Variants in ZNF804B observed in about 807,000 individuals in gnomAD.
ZNF804B encodes zinc finger protein 804B.
Under a neutral mutation model 101.4 loss-of-function variants are expected in ZNF804B, and 80 were observed. That is an observed-to-expected ratio of 0.79 (90% CI 0.66 to 0.95). The LOEUF is 0.95. Ranked by LOEUF, ZNF804B falls within the 40% of genes least tolerant of loss-of-function variation. The probability of loss-of-function intolerance (pLI) is 0.00; values close to 1 mark genes in which losing one functional copy is unlikely to be tolerated. For synonymous variants in ZNF804B, 622 were observed against 558.8 expected (o/e 1.11, Z -1.59); for missense variants, 1,673 against 1,561.9 (o/e 1.07, Z -1.20).
At chr7:89,155,390 T>C (rs1230459431) in intron 1 of ZNF804B, among the ~76,000 whole-genome samples, 1 of 152,146 alleles carries the variant, frequency 6.6e-6, no homozygotes, top group African/African-American at 2.4e-5. Flanking sequence ...ATATCTCATC[T>C]TTCACCTAAA....
intron 1 of ZNF804B, among the ~76,000 whole-genome samples, chr7:89,091,208 A>C (rs1450778433): frequency 6.6e-6 from 1 of 152,060 alleles, no homozygotes. Context: ...TCTCAGGATA[A>C]TAATGCCAGC....
chr7:89,037,201 T>G (rs1258646213), intron 1 of ZNF804B, among the ~76,000 whole-genome samples: 2 of 152,136 alleles, frequency 1.3e-5, no homozygotes, highest in Non-Finnish European at 2.9e-5. Flanking sequence ...CAAGTTGACC[T>G]GCCAGAATGA....
At chr7:88,893,639 G>C (rs542926618) in intron 1 of ZNF804B, among the ~76,000 whole-genome samples, 1 of 152,216 alleles carries the variant, frequency 6.6e-6, no homozygotes, top group Admixed American at 6.5e-5. Flanking sequence ...GGCTGCCAAA[G>C]GTAATAGGCA....
chr7:89,247,042 T>C (rs1395274059), intron 2 of ZNF804B, among the ~76,000 whole-genome samples: 1 of 152,148 alleles, frequency 6.6e-6, no homozygotes, highest in African/African-American at 2.4e-5. Context: ...TGCACAGATC[T>C]CCAGACATCT....
intron 1 of ZNF804B, among the ~76,000 whole-genome samples, chr7:88,770,299 A>G (rs1043106122): frequency 6.6e-6 from 1 of 152,178 alleles, no homozygotes; most frequent in African/African-American, 2.4e-5. Flanking sequence ...GTGGGGTCCA[A>G]CTTAATCACA....
chr7:88,933,349 G>GT (rs1792919305), intron 1 of ZNF804B, among the ~76,000 whole-genome samples: 1 of 151,834 alleles, frequency 6.6e-6, no homozygotes, highest in Non-Finnish European at 1.5e-5. Flanking sequence ...ATCAGGAAAA[G>GT]TTGAAAGCAT....
intron 1 of ZNF804B, among the ~76,000 whole-genome samples, chr7:89,171,410 T>C (rs1047543641): frequency 2.0e-5 from 2 of 99,722 alleles, no homozygotes; most frequent in African/African-American, 7.4e-5. Flanking sequence ...CTTCTTCTTC[T>C]TCTTCTTCTC....
In ZNF804B at chr7:89,234,131, T is replaced by C. The variant is rs571155023; in HGVS notation, c.249+15836T>C. ...CTCAATATAATTTTTTGACTTATAATCCAAGATAAGCCTAGCTAATATAAT... is the reference window on the plus strand; with the variant it reads ...CTCAATATAATTTTTTGACTTATAACCCAAGATAAGCCTAGCTAATATAAT... On this transcript the variant is annotated intron_variant, in intron 2 of 3. Transcript: ENST00000333190. Among the ~76,000 whole-genome samples the C allele has an allele frequency of 5.3e-5, 8 of 152,342 alleles. No homozygotes were observed. In the South Asian group the frequency reaches 1.7e-3, roughly 32 times the overall value.
intron 2 of ZNF804B, among the ~76,000 whole-genome samples, chr7:89,267,588 C>A (rs964015145): frequency 2.0e-5 from 3 of 152,106 alleles, no homozygotes; most frequent in African/African-American, 7.2e-5. Context: ...TGTCTTCAGA[C>A]CTTATCCTAC....
rs1791102051 is a variant in ZNF804B at position 89,336,823 on chromosome 7, A to G, written c.3841A>G (p.Ile1281Val). 6.2e-7 allele frequency: 1 copy of G among 1,614,020 alleles called. No homozygotes were observed. Residue 1281 changes from isoleucine (I) to valine (V), a missense_variant, in exon 4 of 4, where the codon ATA becomes GTA. Physicochemically the swap from Ile to Val is conservative, Grantham distance 29. Transcript: ENST00000333190. ...VAATPFHPSH[I>V]TLQPLPPTAF... The stretch of plus-strand genomic sequence containing the variant: ...TGCTACCCCCTTCCACCCATCTCAC[A>G]TAACACTTCAGCCTCTGCCCCCTAC...
At position 89,335,862 on chromosome 7, in the gene ZNF804B, A is replaced by C. The variant is rs764256612; in HGVS notation, c.2880A>C (p.Gln960His). The change falls in exon 4 of 4, where the codon CAA becomes CAC. Residue 960 changes from glutamine (Q) to histidine (H), a missense_variant. Physicochemically the swap from Gln to His is conservative, Grantham distance 24. Coordinates refer to ENST00000333190, the MANE Select transcript of ZNF804B (RefSeq NM_181646.5). The part of the protein sequence containing the change: ...SCKSELEAPS[Q>H]VPCTIQLAPS... Reference sequence around the variant, plus strand: ...AAAGTGAATTAGAGGCTCCTTCGCAAGTCCCATGCACAATTCAACTTGCAC... The same window carrying C: ...AAAGTGAATTAGAGGCTCCTTCGCACGTCCCATGCACAATTCAACTTGCAC... 1.2e-6 allele frequency: 2 copies of C among 1,614,116 alleles called. No individual in the cohort carries two copies. The highest frequency in any genetic ancestry group is 1.7e-6 in the Non-Finnish European group (2 of 1,179,986).
At chr7:89,138,626 T>A (rs1790671674) in intron 1 of ZNF804B, among the ~76,000 whole-genome samples, 1 of 151,926 alleles carries the variant, frequency 6.6e-6, no homozygotes, top group South Asian at 2.1e-4. Flanking sequence ...GGGCTAGAGA[T>A]GAAATAATAT....
intron 1 of ZNF804B, among the ~76,000 whole-genome samples, chr7:88,927,896 A>G (rs1438952366): frequency 6.6e-6 from 1 of 151,872 alleles, no homozygotes; most frequent in East Asian, 1.9e-4. Context: ...TCTTCTTATA[A>G]CTGAATTAAT....
At chr7:89,301,099 G>GTTTTTTTTTTTTT (rs5885673) in intron 2 of ZNF804B, among the ~76,000 whole-genome samples, 1 of 77,654 alleles carries the variant, frequency 1.3e-5, no homozygotes, top group Non-Finnish European at 2.4e-5. Context: ...TTTCAAGCGT[G>GTTTTTTTTTTTTT]TTTTTTTTTT....
intron 1 of ZNF804B, among the ~76,000 whole-genome samples, chr7:89,176,382 A>G (rs1280219288): frequency 1.3e-5 from 2 of 151,998 alleles, no homozygotes; most frequent in Non-Finnish European, 2.9e-5. Flanking sequence ...TTCTGTTGAT[A>G]TGATGTAGCA....
chr7:88,950,662 G>A (rs1403958889), intron 1 of ZNF804B, among the ~76,000 whole-genome samples: 1 of 149,478 alleles, frequency 6.7e-6, no homozygotes. Context: ...TAGAAAATAT[G>A]TTTTTTTTTT....
intron 1 of ZNF804B, among the ~76,000 whole-genome samples, chr7:88,818,675 ATAAACT>A (rs975566410): frequency 5.9e-5 from 9 of 152,214 alleles, no homozygotes; most frequent in African/African-American, 1.9e-4. Context: ...TATAGGAAAA[ATAAACT>A]TAGACTTGTA....
chr7:89,063,600 T>C (rs1413766348), intron 1 of ZNF804B, among the ~76,000 whole-genome samples: 2 of 152,126 alleles, frequency 1.3e-5, no homozygotes, highest in African/African-American at 4.8e-5. Context: ...CACCTTGTGC[T>C]TTATGATGTA....
chr7:88,937,374 C>A (rs564064388), intron 1 of ZNF804B, among the ~76,000 whole-genome samples: 1 of 152,102 alleles, frequency 6.6e-6, no homozygotes, highest in East Asian at 1.9e-4. Context: ...AAATAAAGAG[C>A]CTAAGCTTAT....
Sources: allele counts gnomAD v4.1 joint callset (sites outside exome capture counted in the v4.1 genomes callset), GRCh38; gene constraint gnomAD v4.1.1; transcripts MANE v1.5; gene names NCBI Gene and HGNC (gene_info 2026-07-23, HGNC 2026-07-21).